Variants in RDM1 observed in about 807,000 individuals in gnomAD.
RDM1 encodes RAD52 motif containing 1, also known as RAD52 motif-containing protein 1.
A neutral mutation model predicts 27.7 loss-of-function variants in RDM1; 28 were observed. The ratio of observed to expected loss-of-function variants is 1.01; its 90% CI spans 0.75 to 1.39. The LOEUF (loss-of-function observed/expected upper bound fraction) is 1.39, where lower values mean the gene tolerates loss of function less well. Among genes scored for constraint, RDM1 ranks in the 40% most tolerant of loss-of-function variants. The probability of loss-of-function intolerance (pLI) is 0.00; values close to 1 mark genes in which losing one functional copy is unlikely to be tolerated. For missense variants in RDM1, 277 were observed against 337.3 expected (o/e 0.82, Z 1.40); for synonymous variants, 124 against 127.5 (o/e 0.97, Z 0.19).
At chr17:35,928,891 C>T (rs1471293846) in intron 2 of RDM1, among the ~76,000 whole-genome samples, 1 of 152,022 alleles carries the variant, frequency 6.6e-6, no homozygotes, top group Non-Finnish European at 1.5e-5. Context: ...GACTGGCCAA[C>T]ATGGTGAAAC....
At chr17:35,929,051 G>A (rs967409786) in intron 2 of RDM1, among the ~76,000 whole-genome samples, 3 of 151,994 alleles carry the variant, frequency 2.0e-5, no homozygotes, top group Non-Finnish European at 4.4e-5. Flanking sequence ...CTCCAGCCTG[G>A]GTGACAAAAT....
intron 5 of RDM1, 147 bp from the exon 6 acceptor site, chr17:35,920,419 C>T (rs1244260031): frequency 2.4e-6 from 1 of 411,418 alleles, no homozygotes; most frequent in Non-Finnish European, 4.3e-6. Context: ...CTTATCTCCT[C>T]ATCTCACACT....
In RDM1 at chr17:35,922,562, T is replaced by C; in HGVS notation, c.667+15A>G. The C allele has an allele frequency of 2.5e-6, 4 of 1,606,074 alleles. No individual in the cohort carries two copies. The highest frequency in any genetic ancestry group is 1.7e-6 in the Non-Finnish European group (2 of 1,178,082). On this transcript the variant is annotated intron_variant, in intron 5 of 6. Coordinates refer to ENST00000620284, the MANE Select transcript of RDM1 (RefSeq NM_145654.4). ...TGAAACTGAAGTACTTCAAGGATGA[T>C]CAAGACAGTCTTACCTAGAACAACA...
chr17:35,925,468 T>A (rs201348616), intron 3 of RDM1, 47 bp downstream of exon 3: 349 of 1,601,426 alleles, frequency 2.2e-4, no homozygotes, highest in Non-Finnish European at 2.8e-4. Flanking sequence ...AGGATTTCAA[T>A]GTTGAAAGGA....
intron 6 of RDM1, among the ~76,000 whole-genome samples, chr17:35,919,255 T>G (rs1397576971): frequency 6.6e-6 from 1 of 152,146 alleles, no homozygotes; most frequent in Non-Finnish European, 1.5e-5. Flanking sequence ...ATTCCATATG[T>G]AGTAAATAAT....
chr17:35,921,427 G>C (rs1213725112), intron 5 of RDM1, among the ~76,000 whole-genome samples: 1 of 152,206 alleles, frequency 6.6e-6, no homozygotes, highest in African/African-American at 2.4e-5. Context: ...AAGCAGAAGA[G>C]CAACTCTGTT....
At chr17:35,930,516 T>C (rs2089290915) in intron 1 of RDM1, 116 bp downstream of exon 1, 1 of 1,023,232 alleles carries the variant, frequency 9.8e-7, no homozygotes, top group African/African-American at 1.6e-5. Context: ...CCTTTATAAT[T>C]AAGAGTCCTT....
chr17:35,922,044 C>T lies in RDM1; in HGVS notation c.667+533G>A, dbSNP rs534585678. ...CACGCCATTCTCCTGCCTCAGCCTC[C>T]CAAGTAGCTGGGACTACAGGAGCCC... On this transcript the variant is annotated intron_variant, in intron 5 of 6. Coordinates refer to ENST00000620284, the MANE Select transcript of RDM1 (RefSeq NM_145654.4). 566 of 151,966 alleles carry T rather than the reference C, an allele frequency of 3.7e-3. 2 individuals are homozygous for T. The highest frequency in any genetic ancestry group is 6.5e-3 in the Non-Finnish European group (440 of 68,002). The allele number at this position is 151,966 out of a possible 1,614,324, so 9.4% of individuals were successfully genotyped here. A position where few individuals can be genotyped will look rare whatever the true frequency, so the allele number is the denominator to read the frequency against.
At chr17:35,930,374 TAATC>T in intron 1 of RDM1, 119 bp from the exon 2 acceptor site, 1 of 1,328,562 alleles carries the variant, frequency 7.5e-7, no homozygotes, top group Non-Finnish European at 1.1e-6. Flanking sequence ...ACTTCCCACT[TAATC>T]AACAGGTTTT....
intron 5 of RDM1, 87 bp downstream of exon 5, chr17:35,922,490 C>A (rs770093016): frequency 2.0e-6 from 3 of 1,526,490 alleles, no homozygotes; most frequent in Non-Finnish European, 2.7e-6. Context: ...CTTTAGATAT[C>A]AATATTTTTA....
Position 35,924,656 on chromosome 17 carries a change from G to A in RDM1, c.516C>T (p.Cys172=), listed in dbSNP as rs1227485989. ...ALEVVLPSCD[C]RSPGIGLVEE... ...CCACCAAGCCAATGCCAGGACTCCT[G>A]CAATCACAGGATGGCAACACCACTT... The change falls in exon 4 of 7, where the codon TGC becomes TGT. Residue 172 remains cysteine, a synonymous_variant. Transcript: ENST00000620284. The A allele has an allele frequency of 2.5e-6, 4 of 1,613,928 alleles. No homozygotes were observed. Among genetic ancestry groups the A allele is most frequent in the Non-Finnish European group, 3.4e-6 (4 of 1,179,970 alleles).
At chr17:35,924,532 G>C in intron 4 of RDM1, 72 bp downstream of exon 4, 1 of 1,489,070 alleles carries the variant, frequency 6.7e-7, no homozygotes, top group Non-Finnish European at 9.1e-7. Flanking sequence ...ATGAGTTTTG[G>C]AAAGTAAGAA....
chr17:35,919,865 T>C (rs2376287), intron 6 of RDM1, among the ~76,000 whole-genome samples: 25,983 of 152,178 alleles, frequency 0.17, 2,361 homozygotes, highest in South Asian at 0.28. Flanking sequence ...TCTCTGGGAT[T>C]CTGTTTGAAG....
intron 1 of RDM1, 88 bp downstream of exon 1, chr17:35,930,544 G>A (rs546849615): frequency 7.9e-7 from 1 of 1,262,204 alleles, no homozygotes; most frequent in Non-Finnish European, 1.1e-6. Flanking sequence ...GGCTCAGGCA[G>A]GTGAGGGTCT....
At chr17:35,925,239 A>T (rs59306429) in intron 3 of RDM1, among the ~76,000 whole-genome samples, 3,398 of 152,318 alleles carry the variant, frequency 0.022, 120 homozygotes, top group African/African-American at 0.078. Flanking sequence ...ATGGCTTCAA[A>T]ATCAAGTTAG....
chr17:35,928,773 A>G (rs1175250869), intron 2 of RDM1, among the ~76,000 whole-genome samples: 2 of 148,346 alleles, frequency 1.3e-5, no homozygotes, highest in Non-Finnish European at 3.0e-5. Flanking sequence ...TAAAAAAAAA[A>G]AAAGTAAATA....
intron 4 of RDM1, 38 bp from the exon 5 acceptor site, chr17:35,922,713 T>C: frequency 2.7e-6 from 4 of 1,486,068 alleles, no homozygotes; most frequent in African/African-American, 1.4e-5. Context: ...AAGGTGCCTA[T>C]TTGAATGATA....
chr17:35,924,054 T>A (rs2089047093), intron 4 of RDM1, among the ~76,000 whole-genome samples: 1 of 150,242 alleles, frequency 6.7e-6, no homozygotes, highest in Non-Finnish European at 1.5e-5. Flanking sequence ...TCTCTAAAAA[T>A]AATAATAATA....
intron 6 of RDM1, among the ~76,000 whole-genome samples, chr17:35,919,409 T>G (rs1350080911): frequency 1.3e-5 from 2 of 152,202 alleles, no homozygotes; most frequent in Non-Finnish European, 2.9e-5. Flanking sequence ...CATCATAGCA[T>G]ATACTTCCAC....
Sources: allele counts gnomAD v4.1 joint callset (sites outside exome capture counted in the v4.1 genomes callset), GRCh38; gene constraint gnomAD v4.1.1; transcripts MANE v1.5; gene names NCBI Gene and HGNC (gene_info 2026-07-23, HGNC 2026-07-21).